DSCAML1: variants seen among roughly 807,000 people sequenced by gnomAD.
DSCAML1 encodes DS cell adhesion molecule like 1, also known as cell adhesion molecule DSCAML1.
Under a neutral mutation model 200.5 loss-of-function variants are expected in DSCAML1, and 38 were observed. The ratio of observed to expected loss-of-function variants is 0.19; its 90% CI spans 0.15 to 0.25. DSCAML1 has a LOEUF of 0.25. DSCAML1 is among the 10% of genes least tolerant of loss of function. The probability of loss-of-function intolerance (pLI) is 1.00; values close to 1 mark genes in which losing one functional copy is unlikely to be tolerated. For missense variants in DSCAML1, 2,223 were observed against 2,858.8 expected, an observed-to-expected ratio of 0.78 and a Z score of 5.07; for synonymous variants, 1,215 against 1,165.0, an observed-to-expected ratio of 1.04 and a Z score of -0.87.
chr11:117,771,874 A>T (rs1474781700), intron 3 of DSCAML1, among the ~76,000 whole-genome samples: 2 of 152,216 alleles, frequency 1.3e-5, no homozygotes, highest in African/African-American at 2.4e-5. Context: ...AGGTATTATC[A>T]TTAATCTTGT....
chr11:117,466,615 C>T (rs753791642), intron 16 of DSCAML1, among the ~76,000 whole-genome samples: 3 of 152,064 alleles, frequency 2.0e-5, no homozygotes, highest in African/African-American at 7.2e-5. Flanking sequence ...GCAGGAGAAT[C>T]GCTTGAACCC....
intron 3 of DSCAML1, among the ~76,000 whole-genome samples, chr11:117,652,326 ATAT>A (rs2052649904): frequency 6.6e-6 from 1 of 152,230 alleles, no homozygotes; most frequent in African/African-American, 2.4e-5. Flanking sequence ...GCTGCCATGC[ATAT>A]TATCCCCATG....
At chr11:117,633,464 T>G (rs908625321) in intron 3 of DSCAML1, among the ~76,000 whole-genome samples, 1 of 152,204 alleles carries the variant, frequency 6.6e-6, no homozygotes. Flanking sequence ...AAAAATGGCT[T>G]GGCTGTACCT....
intron 3 of DSCAML1, among the ~76,000 whole-genome samples, chr11:117,703,929 T>C (rs2053709922): frequency 1.3e-5 from 2 of 152,194 alleles, no homozygotes; most frequent in Non-Finnish European, 2.9e-5. Flanking sequence ...CTGTGCCAAC[T>C]CTTCTCTTGT....
At chr11:117,567,176 C>T (rs1344400463) in intron 3 of DSCAML1, among the ~76,000 whole-genome samples, 1 of 152,218 alleles carries the variant, frequency 6.6e-6, no homozygotes, top group Non-Finnish European at 1.5e-5. Flanking sequence ...AATGGTTGAA[C>T]TAGTTTACGG....
intron 3 of DSCAML1, chr11:117,611,667 C>T (rs2051696670): frequency 6.6e-6 from 1 of 152,178 alleles, no homozygotes; most frequent in Non-Finnish European, 1.5e-5. Context: ...GCAGGAAACC[C>T]AGCTCTTCTC....
intron 11 of DSCAML1, among the ~76,000 whole-genome samples, chr11:117,484,108 C>T (rs1045865564): frequency 2.7e-5 from 4 of 149,204 alleles, no homozygotes; most frequent in South Asian, 2.2e-4. Flanking sequence ...TCCTTCCTTC[C>T]GGGTATTCTC....
At chr11:117,565,584 C>T (rs926904848) in intron 3 of DSCAML1, among the ~76,000 whole-genome samples, 3 of 152,214 alleles carry the variant, frequency 2.0e-5, no homozygotes, top group African/African-American at 7.2e-5. Flanking sequence ...TATTCCACTG[C>T]TCTATCCTAA....
At chr11:117,629,453 G>A (rs1212567668) in intron 3 of DSCAML1, among the ~76,000 whole-genome samples, 1 of 152,180 alleles carries the variant, frequency 6.6e-6, no homozygotes, top group Non-Finnish European at 1.5e-5. Flanking sequence ...TGCACATGGG[G>A]AGCCCTGGGG....
In DSCAML1 at chr11:117,463,818, C is replaced by T. The variant is rs2048527979; in HGVS notation, c.3265+1124G>A. Among the ~76,000 whole-genome samples the T allele has an allele frequency of 6.6e-6, 1 of 152,188 alleles. No individual in the cohort carries two copies. The highest frequency in any genetic ancestry group is 2.4e-5 in the African/African-American group (1 of 41,438). On this transcript the variant is annotated intron_variant, in intron 17 of 32. Coordinates refer to ENST00000651296, the MANE Select transcript of DSCAML1 (RefSeq NM_020693.4). The surrounding 1 kb of genome is among the most constrained non-coding windows in gnomAD (Gnocchi z 4.0). ...TATTGAAGTCGGCCCCATCTTAAAG[C>T]CCAGCTTTTGCCCCAGAATCATGAA...
In DSCAML1 at chr11:117,664,289, G is replaced by A. The variant is rs1259082268; in HGVS notation, c.511+112502C>T. ...CTACAACAATGACACTCTAAGGAGC[G>A]GTGGCTGCTGACAGGCTTTCTGAGC... On this transcript the variant is annotated intron_variant, in intron 3 of 32. Coordinates refer to ENST00000651296, the MANE Select transcript of DSCAML1 (RefSeq NM_020693.4). 3.3e-5 allele frequency among the ~76,000 whole-genome samples: 5 copies of A among 152,366 alleles called. No homozygotes were observed. In the South Asian group the frequency reaches 8.3e-4, roughly 25 times the overall value.
At position 117,704,657 on chromosome 11, in the gene DSCAML1, G is replaced by A. The variant is rs565665736; in HGVS notation, c.511+72134C>T. On this transcript the variant is annotated intron_variant, in intron 3 of 32. Coordinates refer to ENST00000651296, the MANE Select transcript of DSCAML1 (RefSeq NM_020693.4). Reference sequence around the variant, plus strand: ...ACTCGGTGACTCGGCTGGTAGCCTCGGCAATGAGAACATATGTTCTCTTGT... The same window carrying A: ...ACTCGGTGACTCGGCTGGTAGCCTCAGCAATGAGAACATATGTTCTCTTGT... Among the ~76,000 whole-genome samples, 11 of 152,252 alleles carry A rather than the reference G, an allele frequency of 7.2e-5. 1 individual carries two copies. The South Asian group carries it at 1.9e-3, about 26-fold the overall frequency.
At chr11:117,610,865 T>C (rs901804769) in intron 3 of DSCAML1, among the ~76,000 whole-genome samples, 15 of 131,368 alleles carry the variant, frequency 1.1e-4, no homozygotes, top group African/African-American at 4.2e-4. Context: ...AATGTGTTCG[T>C]AGACTTCTTC....
chr11:117,628,503 C>T (rs2052102796), intron 3 of DSCAML1, among the ~76,000 whole-genome samples: 1 of 152,230 alleles, frequency 6.6e-6, no homozygotes, highest in South Asian at 2.1e-4. Context: ...TCAAAAGTGA[C>T]TTCCAGCCCA....
intron 3 of DSCAML1, among the ~76,000 whole-genome samples, chr11:117,535,030 C>T (rs1176819429): frequency 1.3e-5 from 2 of 150,838 alleles, no homozygotes; most frequent in Non-Finnish European, 2.9e-5. Flanking sequence ...CCCTCCCGCA[C>T]ATCTCTGTAT....
chr11:117,676,392 A>G (rs2053213121), intron 3 of DSCAML1, among the ~76,000 whole-genome samples: 1 of 152,218 alleles, frequency 6.6e-6, no homozygotes, highest in Non-Finnish European at 1.5e-5. Context: ...CTGTACTTCA[A>G]TGCAAGTGGC....
chr11:117,525,215 G>T, intron 4 of DSCAML1, 132 bp from the exon 5 acceptor site: 1 of 1,122,668 alleles, frequency 8.9e-7, no homozygotes, highest in Non-Finnish European at 1.2e-6. Flanking sequence ...TTCCAGGGCG[G>T]CTCCAGAGGA....
chr11:117,759,885 T>C (rs2054769147), intron 3 of DSCAML1, among the ~76,000 whole-genome samples: 1 of 152,212 alleles, frequency 6.6e-6, no homozygotes, highest in Non-Finnish European at 1.5e-5. Flanking sequence ...CCTGTATTTA[T>C]ACCACTTTTA....
chr11:117,702,233 G>A (rs1436898301), intron 3 of DSCAML1, among the ~76,000 whole-genome samples: 2 of 152,086 alleles, frequency 1.3e-5, no homozygotes, highest in Non-Finnish European at 2.9e-5. Flanking sequence ...AAGTTCAATC[G>A]ATCTGATGAG....
Sources: gnomAD v4.1 joint callset for allele counts (sites outside exome capture counted in the v4.1 genomes callset) on GRCh38, gnomAD v4.1.1 for gene constraint, Gnocchi (gnomAD v3.1) non-coding constraint, MANE v1.5 for transcripts, NCBI Gene and HGNC (gene_info 2026-07-23, HGNC 2026-07-21) for gene names.